The following KHDRBS2 variants were observed in gnomAD, a reference collection of about 807,000 sequenced individuals.
KHDRBS2 encodes KH domain-containing, RNA-binding, signal transduction-associated protein 2.
Under a neutral mutation model 44.3 loss-of-function variants are expected in KHDRBS2, and 26 were observed. The ratio of observed to expected loss-of-function variants is 0.59; its 90% CI spans 0.43 to 0.81. The LOEUF (loss-of-function observed/expected upper bound fraction) is 0.81. KHDRBS2 is among the 40% of genes least tolerant of loss of function. The pLI, the probability that KHDRBS2 is intolerant of heterozygous loss-of-function variation, is 0.00. For missense variants in KHDRBS2, 476 were observed against 433.1 expected (o/e 1.10, Z -0.88); for synonymous variants, 194 against 151.1 (o/e 1.28, Z -2.08).
chr6:62,201,875 C>T (rs192514956), intron 1 of KHDRBS2, among the ~76,000 whole-genome samples: 63 of 151,816 alleles, frequency 4.1e-4, no homozygotes, highest in Non-Finnish European at 5.2e-4. Context: ...TACGCACGTT[C>T]GTAAGATTAA....
intron 6 of KHDRBS2, among the ~76,000 whole-genome samples, chr6:61,785,000 T>C (rs906155881): frequency 3.3e-5 from 5 of 151,872 alleles, no homozygotes; most frequent in African/African-American, 1.2e-4. Flanking sequence ...AATACAAAAA[T>C]TTGCAGGGCA....
intron 1 of KHDRBS2, among the ~76,000 whole-genome samples, chr6:62,180,751 A>T (rs1164290146): frequency 5.3e-5 from 8 of 151,824 alleles, no homozygotes; most frequent in Admixed American, 1.3e-4. Flanking sequence ...TTTTGAGAAA[A>T]TACACAACTG....
intron 6 of KHDRBS2, among the ~76,000 whole-genome samples, chr6:61,840,168 G>T (rs1168139342): frequency 6.6e-6 from 1 of 151,982 alleles, no homozygotes; most frequent in East Asian, 1.9e-4. Flanking sequence ...AATGTACCAG[G>T]ATTCACACTG....
intron 1 of KHDRBS2, among the ~76,000 whole-genome samples, chr6:62,276,209 C>T (rs1335669754): frequency 1.3e-5 from 2 of 152,162 alleles, no homozygotes; most frequent in Admixed American, 1.3e-4. Flanking sequence ...TTTCTGATAA[C>T]AGTATAATAA....
At chr6:61,564,578 G>A in the KHDRBS2 span, among the ~76,000 whole-genome samples, 9 of 151,996 alleles carry the variant, frequency 5.9e-5, no homozygotes, top group Admixed American at 6.6e-5. Flanking sequence ...TAAATGTAAA[G>A]TTGAGGATAG....
At chr6:61,767,710 G>C (rs1780214512) in intron 6 of KHDRBS2, among the ~76,000 whole-genome samples, 1 of 152,030 alleles carries the variant, frequency 6.6e-6, no homozygotes, top group African/African-American at 2.4e-5. Context: ...TTAAACTGAT[G>C]ACAACTTAAC....
intron 7 of KHDRBS2, among the ~76,000 whole-genome samples, chr6:61,707,750 G>A (rs1769826019): frequency 6.6e-6 from 1 of 151,528 alleles, no homozygotes. Flanking sequence ...CTATTTATCG[G>A]CTGCTGTTAA....
chr6:61,623,768 T>C, the KHDRBS2 span, among the ~76,000 whole-genome samples: 222 of 152,306 alleles, frequency 1.5e-3, 3 homozygotes, highest in African/African-American at 5.1e-3. Flanking sequence ...TTGTCCCCTA[T>C]GACCGACTGA....
At chr6:62,102,009 A>G (rs953298288) in intron 2 of KHDRBS2, among the ~76,000 whole-genome samples, 2 of 152,232 alleles carry the variant, frequency 1.3e-5, no homozygotes, top group Non-Finnish European at 2.9e-5. Flanking sequence ...AAGACTTTAA[A>G]TGTAAGCAAA....
chr6:62,248,789 T>C (rs1329894151), intron 1 of KHDRBS2, among the ~76,000 whole-genome samples: 1 of 152,078 alleles, frequency 6.6e-6, no homozygotes, highest in African/African-American at 2.4e-5. Flanking sequence ...TATTACAAAA[T>C]AATTACAAAG....
At chr6:61,930,547 A>AAAAAAAAAC (rs1809845727) in intron 4 of KHDRBS2, among the ~76,000 whole-genome samples, 1 of 38,608 alleles carries the variant, frequency 2.6e-5, no homozygotes, top group Non-Finnish European at 6.8e-5. Flanking sequence ...AAAAAAAAAG[A>AAAAAAAAAC]AAAAAAAAAA....
chr6:61,544,509 C>G, the KHDRBS2 span, among the ~76,000 whole-genome samples: 1 of 152,104 alleles, frequency 6.6e-6, no homozygotes, highest in Non-Finnish European at 1.5e-5. Context: ...GCAAAGCAAT[C>G]TTTTGTTTAA....
intron 2 of KHDRBS2, among the ~76,000 whole-genome samples, chr6:62,154,873 A>G (rs1048313743): frequency 7.2e-5 from 11 of 152,244 alleles, no homozygotes; most frequent in Non-Finnish European, 1.5e-4. Context: ...GACTAATGGC[A>G]CAATTCAAGG....
At chr6:61,682,610 T>C (rs1326032828) in intron 8 of KHDRBS2, among the ~76,000 whole-genome samples, 1 of 151,912 alleles carries the variant, frequency 6.6e-6, no homozygotes, top group Non-Finnish European at 1.5e-5. Flanking sequence ...GTTCAGTAAC[T>C]GTGATAGAGA....
At chr6:61,715,310 T>C (rs1048411722) in intron 7 of KHDRBS2, among the ~76,000 whole-genome samples, 2 of 151,946 alleles carry the variant, frequency 1.3e-5, no homozygotes, top group Non-Finnish European at 1.5e-5. Context: ...AAACATGAAT[T>C]TGGTCTTGCT....
At chr6:61,773,723 C>T (rs1781425422) in intron 6 of KHDRBS2, among the ~76,000 whole-genome samples, 2 of 151,866 alleles carry the variant, frequency 1.3e-5, no homozygotes, top group South Asian at 4.2e-4. Context: ...TTGCCCATGC[C>T]TATGTCCTGA....
chr6:62,232,303 A>G (rs1463663770), intron 1 of KHDRBS2, among the ~76,000 whole-genome samples: 3 of 152,150 alleles, frequency 2.0e-5, no homozygotes, highest in Non-Finnish European at 4.4e-5. Flanking sequence ...CCTGGTAAAT[A>G]ATAGTCACTT....
the KHDRBS2 span, among the ~76,000 whole-genome samples, chr6:61,563,880 ATAAAGTTTGCTTCTCCATTATACAAGT>A: frequency 3.3e-5 from 5 of 152,122 alleles, no homozygotes; most frequent in African/African-American, 1.2e-4. Flanking sequence ...TTGCACTTAA[ATAAAGTTTGCTTCTCCATTATACAAGT>A]TAAAGTTTTA....
chr6:61,708,248 T>C (rs1476518997), intron 7 of KHDRBS2, among the ~76,000 whole-genome samples: 2 of 151,624 alleles, frequency 1.3e-5, no homozygotes, highest in African/African-American at 4.8e-5. Flanking sequence ...TAAATAACTT[T>C]TATTTTACAC....
Sources: gnomAD v4.1 joint callset for allele counts (sites outside exome capture counted in the v4.1 genomes callset) on GRCh38, gnomAD v4.1.1 for gene constraint, MANE v1.5 for transcripts, NCBI Gene and HGNC (gene_info 2026-07-23, HGNC 2026-07-21) for gene names.